Variants in MAP4K5 observed in about 807,000 individuals in gnomAD.
MAP4K5 encodes MAPK/ERK kinase kinase kinase 5.
Under a neutral mutation model 135.6 loss-of-function variants are expected in MAP4K5, and 82 were observed. The observed-to-expected ratio is 0.60, with a 90% CI of 0.51 to 0.73. The LOEUF (loss-of-function observed/expected upper bound fraction) is 0.73, where lower values mean the gene tolerates loss of function less well. Ranked by LOEUF, MAP4K5 falls within the 30% of genes least tolerant of loss-of-function variation. MAP4K5 has a pLI of 0.00. For missense variants in MAP4K5, 907 were observed against 1,010.9 expected (o/e 0.90, Z 1.39); for synonymous variants, 347 against 335.0 (o/e 1.04, Z -0.39).
At chr14:50,445,268 C>A (rs745413806) in intron 17 of MAP4K5, 74 bp from the exon 18 acceptor site, 7 of 1,381,782 alleles carry the variant, frequency 5.1e-6, no homozygotes, top group African/African-American at 1.4e-5. Context: ...AAGGGAAATG[C>A]ACCTTTTTTC....
chr14:50,519,540 G>C lies in MAP4K5; in HGVS notation c.108+12402C>G, dbSNP rs142250341. Among the ~76,000 whole-genome samples, 14 of 152,180 alleles carry C rather than the reference G, an allele frequency of 9.2e-5. No homozygotes were observed. In the East Asian group the frequency reaches 2.7e-3, roughly 29 times the overall value. On this transcript the variant is annotated intron_variant, in intron 2 of 32. Transcript: ENST00000682126. The stretch of plus-strand genomic sequence containing the variant: ...GTGGTGGCACGCACCTGTAGTCCCA[G>C]CTACTCGGGAGACTGAAGCAGGAGA...
chr14:50,528,523 G>A (rs1239743954), intron 2 of MAP4K5, among the ~76,000 whole-genome samples: 1 of 150,982 alleles, frequency 6.6e-6, no homozygotes, highest in Non-Finnish European at 1.5e-5. Context: ...TTTGAGACTA[G>A]CTTGGGCAAC....
At position 50,482,647 on chromosome 14, in the gene MAP4K5, C is replaced by T. The variant is rs191711340; in HGVS notation, c.323-231G>A. 1,873 of 342,278 alleles carry T rather than the reference C, an allele frequency of 5.5e-3. 8 individuals carry two copies. Among genetic ancestry groups the T allele is most frequent in the Middle Eastern group, 0.01 (11 of 1,074 alleles). The allele number at this position is 342,278 out of a possible 1,614,324, so 21.2% of individuals were successfully genotyped here. A position where few individuals can be genotyped will look rare whatever the true frequency, so the allele number is the denominator to read the frequency against. ...CAAAAATTGGCTGGGCATGGTGGTG[C>T]GCACCTGTAGTCCCAGCTACTCGGA... is the stretch of plus-strand genomic sequence containing the variant. On this transcript the variant is annotated intron_variant, in intron 5 of 32. Transcript: ENST00000682126.
At chr14:50,442,866 A>G (rs775671301) in intron 20 of MAP4K5, 50 bp from the exon 21 acceptor site, 3 of 1,073,502 alleles carry the variant, frequency 2.8e-6, no homozygotes, top group South Asian at 2.9e-5. Flanking sequence ...AAAATTTTAT[A>G]TATTCTTGGA....
chr14:50,501,583 C>T lies in MAP4K5; in HGVS notation c.166+3217G>A, dbSNP rs1006956447. On this transcript the variant is annotated intron_variant, in intron 3 of 32. Transcript: ENST00000682126. ...CAAATATAATTTTTTACAAGAGAAA[C>T]ATCAACAACCTAGAAAGGATAATGA... is the stretch of plus-strand genomic sequence containing the variant. Among the ~76,000 whole-genome samples, 4 of 151,952 alleles carry T rather than the reference C, an allele frequency of 2.6e-5. No individual in the cohort carries two copies. In the East Asian group the frequency reaches 7.7e-4, roughly 29 times the overall value.
intron 1 of MAP4K5, chr14:50,560,436 G>T (rs1191061915): frequency 1.7e-6 from 2 of 1,192,636 alleles, no homozygotes; most frequent in East Asian, 5.2e-5. Context: ...TAGCCGAGCC[G>T]CTCCCTGTTT....
At chr14:50,548,577 TC>T (rs955049828) in intron 1 of MAP4K5, among the ~76,000 whole-genome samples, 16 of 152,256 alleles carry the variant, frequency 1.1e-4, no homozygotes, top group African/African-American at 3.9e-4. Flanking sequence ...TGGCGTGATC[TC>T]GGGTCACTGC....
At chr14:50,452,969 T>TC (rs35613274) in intron 14 of MAP4K5, among the ~76,000 whole-genome samples, 1,843 of 152,270 alleles carry the variant, frequency 0.012, 42 homozygotes, top group African/African-American at 0.042. Flanking sequence ...TAGTCACATT[T>TC]CCCCCCACTT....
At chr14:50,463,705 G>T (rs1238457634) in intron 12 of MAP4K5, among the ~76,000 whole-genome samples, 2 of 151,992 alleles carry the variant, frequency 1.3e-5, no homozygotes, top group African/African-American at 4.8e-5. Context: ...CCAACACGGT[G>T]AAACCCTGTC....
intron 14 of MAP4K5, among the ~76,000 whole-genome samples, chr14:50,451,056 A>T (rs936740080): frequency 2.0e-5 from 3 of 152,212 alleles, no homozygotes; most frequent in Admixed American, 1.3e-4. Context: ...GTAAGTGAGC[A>T]GATGGAATAG....
intron 31 of MAP4K5, among the ~76,000 whole-genome samples, chr14:50,424,372 A>T (rs1172829784): frequency 1.3e-5 from 2 of 152,124 alleles, no homozygotes; most frequent in Non-Finnish European, 2.9e-5. Flanking sequence ...AGCTAGGCCC[A>T]AGTTGAAGGA....
intron 29 of MAP4K5, 40 bp downstream of exon 29, chr14:50,429,152 C>T (rs1179058534): frequency 2.6e-6 from 3 of 1,139,978 alleles, no homozygotes; most frequent in Admixed American, 5.2e-5. Context: ...ATTGCTTTAT[C>T]AAGTAGTATA....
chr14:50,452,460 C>T (rs1566650484), intron 14 of MAP4K5, among the ~76,000 whole-genome samples: 1 of 152,148 alleles, frequency 6.6e-6, no homozygotes, highest in Non-Finnish European at 1.5e-5. Context: ...ATCTGGGCAT[C>T]CTATACATCT....
intron 2 of MAP4K5, among the ~76,000 whole-genome samples, chr14:50,528,673 A>C (rs889912179): frequency 2.0e-5 from 3 of 152,152 alleles, no homozygotes; most frequent in Non-Finnish European, 4.4e-5. Flanking sequence ...CAGTGAGCTG[A>C]TCGTGCCACT....
chr14:50,475,769 C>A (rs2139873979), intron 8 of MAP4K5, among the ~76,000 whole-genome samples: 1 of 152,228 alleles, frequency 6.6e-6, no homozygotes, highest in South Asian at 2.1e-4. Context: ...AATATACAGT[C>A]CATTTTTGTC....
intron 29 of MAP4K5, among the ~76,000 whole-genome samples, 171 bp from the exon 30 acceptor site, chr14:50,428,925 C>T (rs1031368671): frequency 2.6e-5 from 4 of 152,130 alleles, no homozygotes; most frequent in East Asian, 1.9e-4. Context: ...GTGCCTCCAT[C>T]GGCAAATGGC....
At chr14:50,465,578 A>C (rs1008711081) in intron 11 of MAP4K5, among the ~76,000 whole-genome samples, 25 of 152,182 alleles carry the variant, frequency 1.6e-4, no homozygotes, top group African/African-American at 6.0e-4. Context: ...GATTGATTTT[A>C]AGTGTCATGT....
intron 9 of MAP4K5, among the ~76,000 whole-genome samples, chr14:50,469,829 A>G (rs537728162): frequency 6.6e-6 from 1 of 152,304 alleles, no homozygotes; most frequent in South Asian, 2.1e-4. Context: ...TATCTTTTCA[A>G]ATGTTTACTA....
chr14:50,459,897 G>A (rs940547205), intron 13 of MAP4K5, among the ~76,000 whole-genome samples: 2 of 151,910 alleles, frequency 1.3e-5, no homozygotes, highest in African/African-American at 2.4e-5. Flanking sequence ...ATGGGGTTTC[G>A]CTACGTTGCC....
Sources: gnomAD v4.1 joint callset for allele counts (sites outside exome capture counted in the v4.1 genomes callset) on GRCh38, gnomAD v4.1.1 for gene constraint, MANE v1.5 for transcripts, NCBI Gene and HGNC (gene_info 2026-07-23, HGNC 2026-07-21) for gene names.